WDTC1: variants seen among roughly 807,000 people sequenced by gnomAD.
WDTC1 encodes WD and tetratricopeptide repeats 1, also known as WD and tetratricopeptide repeats protein 1.
In WDTC1, 12 loss-of-function variants were observed where a neutral mutation model predicts 76.0. The ratio of observed to expected loss-of-function variants is 0.16; its 90% CI spans 0.10 to 0.26. The LOEUF is 0.26. Ranked by LOEUF, WDTC1 falls within the 10% of genes least tolerant of loss-of-function variation. WDTC1 has a pLI of 1.00. For synonymous variants in WDTC1, 326 were observed against 350.8 expected, an observed-to-expected ratio of 0.93 and a Z score of 0.79; for missense variants, 511 against 908.8, an observed-to-expected ratio of 0.56 and a Z score of 5.63.
In WDTC1 at chr1:27,305,031, C is replaced by T. The variant is rs371207058; in HGVS notation, c.1674C>T (p.Asp558=). ...SNAQYIVSGS[D]DGSFFIWEKE... is the part of the protein sequence containing the mutation. ...CTCAGTATATCGTCAGTGGCTCTGA[C>T]GATGGCTCCTTCTTCATCTGGGAAA... Residue 558 remains aspartate, a synonymous_variant, in exon 15 of 16, where the codon GAC becomes GAT. Transcript: ENST00000319394. This position sits in a 1 kb window ranked among gnomAD's most constrained non-coding sequence, Gnocchi z 4.6. The T allele has an allele frequency of 4.5e-5, 73 of 1,613,954 alleles. No individual in the cohort carries two copies. The East Asian group carries it at 6.7e-4, about 15-fold the overall frequency.
Position 27,305,514 on chromosome 1 carries a change from C to T in WDTC1, c.1836+321C>T, listed in dbSNP as rs2013932332. Reference sequence around the variant, plus strand: ...TGACCCAGGCTTTTAATCATCTGTACATTGGGAATGGGAATGACAGCACCA... The same window carrying T: ...TGACCCAGGCTTTTAATCATCTGTATATTGGGAATGGGAATGACAGCACCA... On this transcript the variant is annotated intron_variant, in intron 15 of 15. Coordinates refer to ENST00000319394, the MANE Select transcript of WDTC1 (RefSeq NM_001276252.2). The surrounding 1 kb of genome is among the most constrained non-coding windows in gnomAD (Gnocchi z 4.6). Among the ~76,000 whole-genome samples, 2 of 152,284 alleles carry T rather than the reference C, an allele frequency of 1.3e-5. No homozygotes were observed. The highest frequency in any genetic ancestry group is 3.9e-4 in the East Asian group (2 of 5,184).
intron 12 of WDTC1, among the ~76,000 whole-genome samples, chr1:27,299,305 GGTGGACATA>G (rs1355549158): frequency 6.6e-6 from 1 of 152,172 alleles, no homozygotes; most frequent in Non-Finnish European, 1.5e-5. Context: ...TGGGTAAAGT[GGTGGACATA>G]GTTCAGCATT....
intron 1 of WDTC1, among the ~76,000 whole-genome samples, chr1:27,253,460 CTTCTTCCTCTTCCTCTTCTT>C (rs2012166995): frequency 1.6e-5 from 2 of 123,970 alleles, no homozygotes; most frequent in Admixed American, 9.8e-5. Flanking sequence ...TTCCTCTTCT[CTTCTTCCTCTTCCTCTTCTT>C]CTCTCTTTCT....
Position 27,305,304 on chromosome 1 carries a change from A to G in WDTC1, c.1836+111A>G. On this transcript the variant is annotated intron_variant, in intron 15 of 15. Transcript: ENST00000319394. This position sits in a 1 kb window ranked among gnomAD's most constrained non-coding sequence, Gnocchi z 4.6. Reference sequence around the variant, plus strand: ...AGCCACCCAGAGGCTAGAAGCTGCTAAGTAAGCCTTACCCCGGGGCCCAAG... The same window carrying G: ...AGCCACCCAGAGGCTAGAAGCTGCTGAGTAAGCCTTACCCCGGGGCCCAAG... 7.5e-7 allele frequency: 1 copy of G among 1,336,458 alleles called. No homozygotes were observed. Among genetic ancestry groups the G allele is most frequent in the Non-Finnish European group, 9.9e-7 (1 of 1,005,122 alleles). 82.8% of individuals were successfully genotyped at this position (1,336,458 alleles called of 1,614,324 possible). A position where few individuals can be genotyped will look rare whatever the true frequency, so the allele number is the denominator to read the frequency against.
chr1:27,250,282 G>C (rs1172597673), intron 1 of WDTC1, among the ~76,000 whole-genome samples: 1 of 151,942 alleles, frequency 6.6e-6, no homozygotes, highest in Non-Finnish European at 1.5e-5. Flanking sequence ...CGCCTCCCAG[G>C]TTCAAGCGAT....
At chr1:27,276,500 C>G (rs371656142) in intron 3 of WDTC1, among the ~76,000 whole-genome samples, 1 of 152,070 alleles carries the variant, frequency 6.6e-6, no homozygotes, top group African/African-American at 2.4e-5. Context: ...TGAGACCATG[C>G]TGGCTAACAC....
At chr1:27,276,741 CCTGGTG>C (rs1263876671) in intron 3 of WDTC1, among the ~76,000 whole-genome samples, 1 of 151,158 alleles carries the variant, frequency 6.6e-6, no homozygotes, top group Non-Finnish European at 1.5e-5. Flanking sequence ...TTATAGCCCT[CCTGGTG>C]GGTGTGAAGT....
At position 27,260,946 on chromosome 1, in the gene WDTC1, T is replaced by C; in HGVS notation, c.-99-10T>C. The C allele has an allele frequency of 7.9e-7, 1 of 1,258,490 alleles. No individual in the cohort carries two copies. The highest frequency in any genetic ancestry group is 1.3e-5 in the South Asian group (1 of 76,214). 78.0% of individuals were successfully genotyped at this position (1,258,490 alleles called of 1,614,324 possible). ...CCATCCTCCAAAGTTTGATGATTTT[T>C]TTCCCCCAGGTAATTAAATGTGTAT... is the stretch of plus-strand genomic sequence containing the variant. On this transcript the variant is annotated splice_polypyrimidine_tract_variant and intron_variant, in intron 1 of 15. Transcript: ENST00000319394.
At position 27,287,896 on chromosome 1, in the gene WDTC1, T is replaced by TC. The variant is rs1388529514; in HGVS notation, c.479+40dup. 8.8e-6 allele frequency: 14 copies of TC among 1,591,612 alleles called. No individual in the cohort carries two copies. In the African/African-American group the frequency reaches 1.2e-4, roughly 14 times the overall value. On this transcript the variant is annotated intron_variant, in intron 6 of 15. Transcript: ENST00000319394. ...TGGGGCATCTAGTGGAGCCTGTCGCTCCCCCATCCCATCATCCTATAGTGT... is the reference window on the plus strand; with the variant it reads ...TGGGGCATCTAGTGGAGCCTGTCGCTCCCCCCATCCCATCATCCTATAGTGT...
At chr1:27,251,279 T>C (rs1199244122) in intron 1 of WDTC1, among the ~76,000 whole-genome samples, 2 of 151,892 alleles carry the variant, frequency 1.3e-5, no homozygotes, top group Non-Finnish European at 2.9e-5. Flanking sequence ...TAAAAGTTTA[T>C]AGAAATGATG....
intron 1 of WDTC1, among the ~76,000 whole-genome samples, chr1:27,240,214 A>G (rs983819004): frequency 6.6e-6 from 1 of 152,126 alleles, no homozygotes; most frequent in African/African-American, 2.4e-5. Flanking sequence ...AATGTCTCTT[A>G]TAATCTTCAG....
At chr1:27,284,909 C>A (rs967024273) in intron 5 of WDTC1, among the ~76,000 whole-genome samples, 1 of 152,066 alleles carries the variant, frequency 6.6e-6, no homozygotes, top group Non-Finnish European at 1.5e-5. Flanking sequence ...AAGATCATGA[C>A]AAGGGCTCCC....
intron 4 of WDTC1, among the ~76,000 whole-genome samples, chr1:27,282,910 C>T (rs1208561007): frequency 1.3e-5 from 2 of 151,670 alleles, no homozygotes; most frequent in Non-Finnish European, 2.9e-5. Flanking sequence ...GAGGCCGAGG[C>T]GGGTGGATCA....
chr1:27,262,080 C>T (rs2012494730), intron 2 of WDTC1, among the ~76,000 whole-genome samples: 1 of 151,654 alleles, frequency 6.6e-6, no homozygotes, highest in African/African-American at 2.4e-5. Context: ...CAGGCGCATG[C>T]TACCACGCCC....
intron 1 of WDTC1, among the ~76,000 whole-genome samples, chr1:27,259,410 C>T (rs1159697039): frequency 1.3e-5 from 2 of 150,644 alleles, no homozygotes; most frequent in Non-Finnish European, 2.9e-5. Flanking sequence ...TCAAGTAGTC[C>T]TCCCACCTCA....
At chr1:27,288,564 G>A in intron 6 of WDTC1, among the ~76,000 whole-genome samples, 1 of 151,752 alleles carries the variant, frequency 6.6e-6, no homozygotes, top group East Asian at 1.9e-4. Context: ...TAATGAGCAT[G>A]CTGCCTTCAA....
chr1:27,287,645 C>T (rs1306720949), intron 5 of WDTC1, 29 bp from the exon 6 acceptor site: 5 of 1,600,332 alleles, frequency 3.1e-6, no homozygotes, highest in Non-Finnish European at 4.3e-6. Flanking sequence ...CTCTTACCAC[C>T]CACCCCTTCC....
intron 3 of WDTC1, among the ~76,000 whole-genome samples, chr1:27,268,451 C>T (rs2012746796): frequency 6.6e-6 from 1 of 151,764 alleles, no homozygotes; most frequent in South Asian, 2.1e-4. Context: ...CAGAGTCTTG[C>T]CCTGTCACCC....
At chr1:27,261,275 C>G (rs1270840423) in intron 2 of WDTC1, among the ~76,000 whole-genome samples, 173 bp downstream of exon 2, 1 of 152,176 alleles carries the variant, frequency 6.6e-6, no homozygotes, top group African/African-American at 2.4e-5. Flanking sequence ...CTTGTATTGT[C>G]TAAGAACATG....
Sources: gnomAD v4.1 joint callset for allele counts (sites outside exome capture counted in the v4.1 genomes callset) on GRCh38, gnomAD v4.1.1 for gene constraint, Gnocchi (gnomAD v3.1) non-coding constraint, MANE v1.5 for transcripts, NCBI Gene and HGNC (gene_info 2026-07-23, HGNC 2026-07-21) for gene names.